The following ATRNL1 variants were observed in gnomAD, a reference collection of about 807,000 sequenced individuals.
The protein encoded by ATRNL1 is attractin like 1.
ATRNL1 carries 95 observed loss-of-function variants against 182.7 expected under a neutral mutation model. That is an observed-to-expected ratio of 0.52 (90% confidence interval 0.44 to 0.62). The LOEUF is 0.62. ATRNL1 is among the 20% of genes least tolerant of loss of function. The pLI is 0.00. For synonymous variants in ATRNL1, 576 were observed against 568.3 expected, an observed-to-expected ratio of 1.01 and a Z score of -0.19; for missense variants, 1,471 against 1,679.5, an observed-to-expected ratio of 0.88 and a Z score of 2.17.
chr10:115,933,533 G>GCAGGGGAA (rs1953467853), intron 28 of ATRNL1, among the ~76,000 whole-genome samples: 1 of 152,184 alleles, frequency 6.6e-6, no homozygotes, highest in African/African-American at 2.4e-5. Flanking sequence ...GGGATGTCCA[G>GCAGGGGAA]GTCTTTGCCC....
intron 24 of ATRNL1, among the ~76,000 whole-genome samples, chr10:115,476,494 C>T (rs1206347637): frequency 6.6e-6 from 1 of 150,832 alleles, no homozygotes; most frequent in East Asian, 1.9e-4. Flanking sequence ...TGGAAATTTC[C>T]AGCTATTTTT....
chr10:115,851,072 A>C (rs1404394759), intron 28 of ATRNL1, among the ~76,000 whole-genome samples: 1 of 152,148 alleles, frequency 6.6e-6, no homozygotes, highest in Non-Finnish European at 1.5e-5. Context: ...ACTTTGCATA[A>C]TCTCAAATTT....
intron 27 of ATRNL1, among the ~76,000 whole-genome samples, chr10:115,775,599 TAAG>T (rs1391434426): frequency 6.6e-6 from 1 of 152,294 alleles, no homozygotes; most frequent in East Asian, 1.9e-4. Context: ...TAATAAATCT[TAAG>T]GAGTCAGTGC....
At chr10:115,663,542 T>C (rs1358119717) in intron 26 of ATRNL1, among the ~76,000 whole-genome samples, 1 of 151,822 alleles carries the variant, frequency 6.6e-6, no homozygotes, top group Non-Finnish European at 1.5e-5. Flanking sequence ...GGATGACATA[T>C]ATGAGTAAAA....
At chr10:115,906,785 A>G (rs17093765) in intron 28 of ATRNL1, among the ~76,000 whole-genome samples, 13,983 of 152,182 alleles carry the variant, frequency 0.092, 1,931 homozygotes, top group African/African-American at 0.3. Context: ...AGTGAAGGCC[A>G]TATAATTGAA....
At position 115,342,907 on chromosome 10, in the gene ATRNL1, T is replaced by C. The variant is rs1855815079; in HGVS notation, c.3175+8488T>C. 2.0e-5 allele frequency among the ~76,000 whole-genome samples: 3 copies of C among 152,160 alleles called. No individual in the cohort carries two copies. The South Asian group carries it at 6.2e-4, about 31-fold the overall frequency. ...ATATATACATTTCAAATGTAAAAGT[T>C]GTTTTCCTTCAGCACTTTAAATATG... On this transcript the variant is annotated intron_variant, in intron 19 of 28. Coordinates refer to ENST00000355044, the MANE Select transcript of ATRNL1 (RefSeq NM_207303.4).
chr10:115,742,716 A>ATTATCTTCCT (rs1389298484), intron 27 of ATRNL1, among the ~76,000 whole-genome samples: 17 of 152,010 alleles, frequency 1.1e-4, no homozygotes, highest in Non-Finnish European at 2.2e-4. Context: ...GCTCTGTTAC[A>ATTATCTTCCT]TTATCTTCCT....
At chr10:115,803,235 C>G (rs11596014) in intron 27 of ATRNL1, among the ~76,000 whole-genome samples, 1 of 150,054 alleles carries the variant, frequency 6.7e-6, no homozygotes, top group African/African-American at 2.4e-5. Flanking sequence ...GTATACTTAC[C>G]TAAATTAATT....
intron 6 of ATRNL1, among the ~76,000 whole-genome samples, chr10:115,160,650 C>A (rs1846741689): frequency 6.6e-6 from 1 of 151,494 alleles, no homozygotes. Context: ...GAGAACAGTT[C>A]TAGTATTATG....
chr10:115,786,755 C>T (rs1555080496), intron 27 of ATRNL1, among the ~76,000 whole-genome samples: 1 of 152,156 alleles, frequency 6.6e-6, no homozygotes, highest in Non-Finnish European at 1.5e-5. Flanking sequence ...CTCATCTTCT[C>T]TTTTAGGTGA....
In ATRNL1 at chr10:115,490,489, A is replaced by G. The variant is rs547125958; in HGVS notation, c.3654+21160A>G. Among the ~76,000 whole-genome samples the G allele has an allele frequency of 4.6e-5, 7 of 152,136 alleles. No homozygotes were observed. In the South Asian group the frequency reaches 1.5e-3, roughly 32 times the overall value. ...TTTGAGTTGATCTTCAATCTCTGATATCCTTTCTTCCCCTTGATTGATTCA... is the reference window on the plus strand; with the variant it reads ...TTTGAGTTGATCTTCAATCTCTGATGTCCTTTCTTCCCCTTGATTGATTCA... On this transcript the variant is annotated intron_variant, in intron 24 of 28. Coordinates refer to ENST00000355044, the MANE Select transcript of ATRNL1 (RefSeq NM_207303.4).
chr10:115,241,861 T>C, intron 10 of ATRNL1, 136 bp downstream of exon 10: 1 of 723,178 alleles, frequency 1.4e-6, no homozygotes, highest in Non-Finnish European at 2.1e-6. Context: ...GAATTCTTTC[T>C]AATTTCAGCA....
intron 26 of ATRNL1, among the ~76,000 whole-genome samples, chr10:115,702,402 C>A (rs188831288): frequency 8.1e-4 from 123 of 151,882 alleles, no homozygotes; most frequent in African/African-American, 2.8e-3. Flanking sequence ...CAACATAGTT[C>A]TGGAAGTCCT....
intron 18 of ATRNL1, among the ~76,000 whole-genome samples, chr10:115,320,635 C>T (rs1186231074): frequency 1.3e-5 from 2 of 152,072 alleles, no homozygotes; most frequent in Non-Finnish European, 2.9e-5. Flanking sequence ...CTTATTTCAG[C>T]AAGGTGGTCT....
At chr10:115,252,281 C>T (rs1335472770) in intron 10 of ATRNL1, among the ~76,000 whole-genome samples, 1 of 152,150 alleles carries the variant, frequency 6.6e-6, no homozygotes, top group Non-Finnish European at 1.5e-5. Flanking sequence ...CCCGCCTCGA[C>T]CTCCCAAAGT....
rs1222547623 is a variant in ATRNL1 at position 115,372,320 on chromosome 10, C to A, written c.3176-22339C>A. Among the ~76,000 whole-genome samples, 7 of 152,268 alleles carry A rather than the reference C, an allele frequency of 4.6e-5. No individual in the cohort carries two copies. The South Asian group carries it at 8.3e-4, about 18-fold the overall frequency. Reference sequence around the variant, plus strand: ...ATTTTCTGCAATTTCCTAAGCGTATCTTCACTGTGTGGATTGCTTCTTTGG... The same window carrying A: ...ATTTTCTGCAATTTCCTAAGCGTATATTCACTGTGTGGATTGCTTCTTTGG... On this transcript the variant is annotated intron_variant, in intron 19 of 28. Coordinates refer to ENST00000355044, the MANE Select transcript of ATRNL1 (RefSeq NM_207303.4).
chr10:115,173,953 A>C (rs527672371), intron 8 of ATRNL1, among the ~76,000 whole-genome samples: 1 of 146,062 alleles, frequency 6.8e-6, no homozygotes, highest in Admixed American at 6.9e-5. Context: ...TCAAAAAGTC[A>C]TTCTTGCTTT....
chr10:115,912,716 A>C (rs1952721063), intron 28 of ATRNL1, among the ~76,000 whole-genome samples: 1 of 152,204 alleles, frequency 6.6e-6, no homozygotes, highest in African/African-American at 2.4e-5. Context: ...AATTATCACA[A>C]AGCTCTGTGC....
At chr10:115,101,046 T>C (rs1302045109) in intron 1 of ATRNL1, among the ~76,000 whole-genome samples, 1 of 152,208 alleles carries the variant, frequency 6.6e-6, no homozygotes, top group Non-Finnish European at 1.5e-5. Context: ...GAAACACAAC[T>C]GATTTGTGTA....
Sources: allele counts gnomAD v4.1 joint callset (sites outside exome capture counted in the v4.1 genomes callset), GRCh38; gene constraint gnomAD v4.1.1; transcripts MANE v1.5; gene names NCBI Gene and HGNC (gene_info 2026-07-23, HGNC 2026-07-21).